GPC6: variants seen among roughly 807,000 people sequenced by gnomAD.
GPC6 encodes the protein glypican 6.
Under a neutral mutation model 55.2 loss-of-function variants are expected in GPC6, and 14 were observed. The observed-to-expected ratio is 0.25, with a 90% CI of 0.17 to 0.40. The LOEUF is 0.40. Among genes scored for constraint, GPC6 ranks in the 10% least tolerant of loss-of-function variants. GPC6 has a pLI of 1.00. For missense variants in GPC6, 641 were observed against 708.5 expected (o/e 0.90, Z 1.08); for synonymous variants, 278 against 259.6 (o/e 1.07, Z -0.68).
chr13:93,746,853 A>G lies in GPC6; in HGVS notation c.320-83301A>G, dbSNP rs138869514. On this transcript the variant is annotated intron_variant, in intron 2 of 8. Transcript: ENST00000377047. ...ATGGAATCTGGACCAATGCTCTGAG[A>G]GCTTTGGAAAGGGTTTAACATTCTA... Among the ~76,000 whole-genome samples, 236 of 152,282 alleles carry G rather than the reference A, an allele frequency of 1.5e-3. 1 individual carries two copies. The highest frequency in any genetic ancestry group is 5.5e-3 in the African/African-American group (230 of 41,554).
intron 2 of GPC6, among the ~76,000 whole-genome samples, chr13:93,776,561 G>A (rs1174800044): frequency 6.6e-6 from 1 of 151,400 alleles, no homozygotes; most frequent in Non-Finnish European, 1.5e-5. Context: ...CCATCAATAC[G>A]TTTCTCTTAA....
intron 1 of GPC6, among the ~76,000 whole-genome samples, chr13:93,445,337 A>G (rs749493432): frequency 1.3e-5 from 2 of 152,230 alleles, no homozygotes; most frequent in African/African-American, 4.8e-5. Flanking sequence ...GATGAAGAGC[A>G]TATCCTACTT....
At chr13:93,957,972 G>T (rs1879582354) in intron 3 of GPC6, among the ~76,000 whole-genome samples, 1 of 152,144 alleles carries the variant, frequency 6.6e-6, no homozygotes, top group East Asian at 1.9e-4. Flanking sequence ...TAGTGATGAT[G>T]ACCATTTTTC....
At chr13:94,125,405 T>C (rs1460086389) in intron 4 of GPC6, among the ~76,000 whole-genome samples, 11 of 152,236 alleles carry the variant, frequency 7.2e-5, no homozygotes, top group Admixed American at 2.0e-4. Flanking sequence ...GCATTTTTTT[T>C]CCCAGACTGA....
chr13:93,308,210 G>A (rs556959958), intron 1 of GPC6, among the ~76,000 whole-genome samples: 4 of 152,138 alleles, frequency 2.6e-5, no homozygotes, highest in Non-Finnish European at 4.4e-5. Flanking sequence ...GCATGAACCC[G>A]GGAGGCAGAG....
rs778936319 is a variant in GPC6, at chr13:93,427,742, G to A, written c.161-117521G>A. 2.6e-5 allele frequency among the ~76,000 whole-genome samples: 4 copies of A among 152,158 alleles called. No homozygotes were observed. The East Asian group carries it at 5.8e-4, about 22-fold the overall frequency. On this transcript the variant is annotated intron_variant, in intron 1 of 8. Coordinates refer to ENST00000377047, the MANE Select transcript of GPC6 (RefSeq NM_005708.5). ...TTCATCTTTAAACTTCCAGCCCCTA[G>A]CACAGCAATAGCCTCATAAGCACAC...
At chr13:93,575,278 G>A (rs1189734078) in intron 2 of GPC6, among the ~76,000 whole-genome samples, 2 of 152,032 alleles carry the variant, frequency 1.3e-5, no homozygotes, top group East Asian at 1.9e-4. Flanking sequence ...GGTATAGAAC[G>A]ATACTCTGTC....
intron 4 of GPC6, among the ~76,000 whole-genome samples, chr13:94,192,540 G>C (rs990359848): frequency 6.6e-6 from 1 of 152,152 alleles, no homozygotes; most frequent in Non-Finnish European, 1.5e-5. Flanking sequence ...ATTAGTCAAC[G>C]TGCCAGTAAA....
At chr13:93,351,700 A>G (rs1179330580) in intron 1 of GPC6, among the ~76,000 whole-genome samples, 1 of 152,200 alleles carries the variant, frequency 6.6e-6, no homozygotes, top group Non-Finnish European at 1.5e-5. Flanking sequence ...TAAGTACTCC[A>G]TAATTTGTAC....
intron 3 of GPC6, among the ~76,000 whole-genome samples, chr13:93,945,117 A>G (rs951642647): frequency 6.6e-6 from 1 of 152,192 alleles, no homozygotes; most frequent in Non-Finnish European, 1.5e-5. Context: ...TGTGCTGGTA[A>G]ATGTTTAGCA....
rs74108605 is a variant in GPC6 at position 93,723,630 on chromosome 13, A to C, written c.320-106524A>C. On this transcript the variant is annotated intron_variant, in intron 2 of 8. Transcript: ENST00000377047. Reference sequence around the variant, plus strand: ...CTACTGTCTTTTGGTGTCATTTGTTATCCAGCCATGGATAACTGATAGACT... The same window carrying C: ...CTACTGTCTTTTGGTGTCATTTGTTCTCCAGCCATGGATAACTGATAGACT... Among the ~76,000 whole-genome samples the C allele has an allele frequency of 8.2e-3, 1,243 of 151,912 alleles. 16 individuals carry two copies. The highest frequency in any genetic ancestry group is 0.028 in the African/African-American group (1,169 of 41,372).
intron 4 of GPC6, among the ~76,000 whole-genome samples, chr13:94,168,591 G>A (rs2138925520): frequency 6.6e-6 from 1 of 150,560 alleles, no homozygotes; most frequent in East Asian, 2.0e-4. Context: ...GCCTTCATGG[G>A]CACCTTCCTC....
In GPC6 at chr13:94,284,467, A is replaced by T. The variant is rs554034014; in HGVS notation, c.878-1882A>T. Among the ~76,000 whole-genome samples the T allele has an allele frequency of 5.5e-4, 80 of 144,616 alleles. 1 individual carries two copies. The highest frequency in any genetic ancestry group is 1.7e-3 in the African/African-American group (65 of 38,428). The allele number at this position is 144,616 out of a possible 152,430, so 94.9% of individuals were successfully genotyped here. On this transcript the variant is annotated intron_variant, in intron 4 of 8. Coordinates refer to ENST00000377047, the MANE Select transcript of GPC6 (RefSeq NM_005708.5). The stretch of plus-strand genomic sequence containing the variant: ...ATGAATACATGTATGTTTTTTTTTT[A>T]ATTTTTTTCTACTTTTAGACATCAT...
At chr13:94,083,030 C>T (rs1489272431) in intron 4 of GPC6, among the ~76,000 whole-genome samples, 2 of 152,212 alleles carry the variant, frequency 1.3e-5, no homozygotes, top group Non-Finnish European at 2.9e-5. Context: ...GAGATTTTCA[C>T]CTAGGTCCCT....
intron 1 of GPC6, among the ~76,000 whole-genome samples, chr13:93,384,509 G>T (rs1875317622): frequency 6.6e-6 from 1 of 152,038 alleles, no homozygotes; most frequent in African/African-American, 2.4e-5. Context: ...ATGGGTTAAA[G>T]TGGAGAATAT....
chr13:93,222,283 G>GA (rs1175809425), upstream of GPC6, among the ~76,000 whole-genome samples: 7 of 152,074 alleles, frequency 4.6e-5, no homozygotes, highest in Middle Eastern at 6.8e-3. Flanking sequence ...GCAGATAAGA[G>GA]AAAAAAAATT....
intron 3 of GPC6, among the ~76,000 whole-genome samples, chr13:93,921,298 TGAA>T (rs1877557020): frequency 6.6e-6 from 1 of 152,176 alleles, no homozygotes. Flanking sequence ...CTGTGACTCC[TGAA>T]GCCCCAGTGG....
chr13:93,824,465 T>C (rs988647890), intron 2 of GPC6, among the ~76,000 whole-genome samples: 5 of 152,160 alleles, frequency 3.3e-5, no homozygotes, highest in Non-Finnish European at 5.9e-5. Context: ...TAATGCACTA[T>C]GAAGTCATGT....
chr13:93,599,200 G>A (rs910413194), intron 2 of GPC6, among the ~76,000 whole-genome samples: 8 of 151,538 alleles, frequency 5.3e-5, no homozygotes, highest in Admixed American at 5.3e-4. Flanking sequence ...GGAAAAATGG[G>A]TCCCTGAACT....
Sources: allele counts gnomAD v4.1 joint callset (sites outside exome capture counted in the v4.1 genomes callset), GRCh38; gene constraint gnomAD v4.1.1; transcripts MANE v1.5; gene names NCBI Gene and HGNC (gene_info 2026-07-23, HGNC 2026-07-21).